LRRFIP1: variants seen among roughly 807,000 people sequenced by gnomAD.
LRRFIP1 encodes the protein leucine-rich repeat flightless-interacting protein 1.
In LRRFIP1, 62 loss-of-function variants were observed where a neutral mutation model predicts 104.4. That is an observed-to-expected ratio of 0.59 (90% CI 0.48 to 0.73). The LOEUF (loss-of-function observed/expected upper bound fraction) is 0.73, where lower values mean the gene tolerates loss of function less well. Ranked by LOEUF, LRRFIP1 falls within the 30% of genes least tolerant of loss-of-function variation. LRRFIP1 has a pLI of 0.00. For missense variants in LRRFIP1, 796 were observed against 824.5 expected (o/e 0.97, Z 0.42); for synonymous variants, 300 against 299.0 (o/e 1.00, Z -0.03).
rs563171208 is a variant in LRRFIP1 at position 237,775,183 on chromosome 2, G to T, written c.1812+721G>T. 3.3e-5 allele frequency among the ~76,000 whole-genome samples: 5 copies of T among 152,352 alleles called. No homozygotes were observed. In the South Asian group the frequency reaches 1.0e-3, roughly 32 times the overall value. ...GGGGCTGGGGTGCGGAATGGCCCAGGCCAGGGCAGTTCTAGGTAGGTGGCC... is the reference window on the plus strand; with the variant it reads ...GGGGCTGGGGTGCGGAATGGCCCAGTCCAGGGCAGTTCTAGGTAGGTGGCC... On this transcript the variant is annotated intron_variant, in intron 23 of 23. Transcript: ENST00000308482.
intron 20 of LRRFIP1, 51 bp downstream of exon 20, chr2:237,770,043 C>T: frequency 7.0e-7 from 1 of 1,422,726 alleles, no homozygotes; most frequent in South Asian, 1.2e-5. Flanking sequence ...CACCTGAAAC[C>T]ACCTGCCCAT....
intron 16 of LRRFIP1, 137 bp downstream of exon 16, chr2:237,756,324 A>T (rs959867856): frequency 3.0e-6 from 2 of 662,384 alleles, no homozygotes; most frequent in Non-Finnish European, 2.5e-6. Context: ...TAATTTTCTT[A>T]CAATTCTGGA....
intron 1 of LRRFIP1, among the ~76,000 whole-genome samples, chr2:237,689,614 T>G (rs980573951): frequency 1.3e-5 from 2 of 152,192 alleles, no homozygotes; most frequent in African/African-American, 2.4e-5. Context: ...ACAGCTGTTG[T>G]GGCAGGCAGT....
At chr2:237,655,241 G>T (rs546013715) in intron 1 of LRRFIP1, among the ~76,000 whole-genome samples, 1 of 147,246 alleles carries the variant, frequency 6.8e-6, no homozygotes, top group East Asian at 2.0e-4. Context: ...CTCCCGAGTA[G>T]CTGGGACTAC....
At chr2:237,769,812 C>G in intron 19 of LRRFIP1, 131 bp from the exon 20 acceptor site, 1 of 727,972 alleles carries the variant, frequency 1.4e-6, no homozygotes, top group Non-Finnish European at 2.4e-6. Flanking sequence ...TGGCCTCATT[C>G]ACCGTGGTAC....
At chr2:237,629,594 C>T (rs2082068634) in intron 1 of LRRFIP1, among the ~76,000 whole-genome samples, 1 of 151,664 alleles carries the variant, frequency 6.6e-6, no homozygotes, top group South Asian at 2.1e-4. Context: ...GCCTCAGCCT[C>T]ACCAGTAGCT....
intron 20 of LRRFIP1, among the ~76,000 whole-genome samples, chr2:237,771,332 C>A (rs565215910): frequency 6.6e-6 from 1 of 151,164 alleles, no homozygotes; most frequent in Non-Finnish European, 1.5e-5. Context: ...CCATAAATTC[C>A]GCAAAGTTCC....
intron 2 of LRRFIP1, 74 bp from the exon 3 acceptor site, chr2:237,714,185 G>T (rs1010762504): frequency 6.6e-6 from 7 of 1,056,984 alleles, no homozygotes; most frequent in Non-Finnish European, 4.3e-6. Flanking sequence ...GTTACTTACA[G>T]AACCTTTCAT....
intron 10 of LRRFIP1, among the ~76,000 whole-genome samples, chr2:237,737,358 G>C (rs1372900734): frequency 6.6e-6 from 1 of 152,178 alleles, no homozygotes; most frequent in Non-Finnish European, 1.5e-5. Flanking sequence ...CCACAGCCAC[G>C]TGGCCAACAA....
chr2:237,638,584 A>T (rs1023016013), intron 1 of LRRFIP1, among the ~76,000 whole-genome samples: 2 of 151,988 alleles, frequency 1.3e-5, no homozygotes, highest in Non-Finnish European at 2.9e-5. Flanking sequence ...TGTCTATAGG[A>T]CTCTGTGCTC....
chr2:237,744,693 C>T (rs1232532804), intron 11 of LRRFIP1, among the ~76,000 whole-genome samples: 1 of 152,280 alleles, frequency 6.6e-6, no homozygotes, highest in Non-Finnish European at 1.5e-5. Context: ...TCAGCTGTGG[C>T]TGTAAAATAC....
intron 8 of LRRFIP1, 36 bp from the exon 9 acceptor site, chr2:237,733,738 G>T: frequency 5.6e-6 from 9 of 1,611,012 alleles, no homozygotes; most frequent in Non-Finnish European, 7.6e-6. Flanking sequence ...GTTTTTTCAA[G>T]GCTTTTAAAA....
chr2:237,650,652 G>A (rs540842245), intron 1 of LRRFIP1, among the ~76,000 whole-genome samples: 7 of 152,364 alleles, frequency 4.6e-5, no homozygotes, highest in Non-Finnish European at 7.3e-5. Flanking sequence ...CAGGCTGGAC[G>A]TTGGCACAGT....
chr2:237,650,398 T>G (rs920441120), intron 1 of LRRFIP1, among the ~76,000 whole-genome samples: 6 of 151,864 alleles, frequency 4.0e-5, no homozygotes, highest in Non-Finnish European at 8.8e-5. Context: ...ACTTGGATTT[T>G]CCCCCTAGCA....
chr2:237,692,126 G>T, intron 1 of LRRFIP1: 1 of 807,640 alleles, frequency 1.2e-6, no homozygotes, highest in South Asian at 5.8e-5. Flanking sequence ...AGCCGGGAGG[G>T]CCCCTCCGAG....
intron 1 of LRRFIP1, among the ~76,000 whole-genome samples, chr2:237,675,001 G>GCTGCTTCCTGC (rs1306726231): frequency 3.3e-5 from 5 of 152,232 alleles, no homozygotes; most frequent in African/African-American, 1.2e-4. Context: ...CCCGGAGCAC[G>GCTGCTTCCTGC]CTGCTTCCTG....
chr2:237,668,987 G>A lies in LRRFIP1; in HGVS notation c.97-39557G>A, dbSNP rs112611479. Among the ~76,000 whole-genome samples, 11 of 151,976 alleles carry A rather than the reference G, an allele frequency of 7.2e-5. 1 individual carries two copies. The highest frequency in any genetic ancestry group is 2.7e-4 in the African/African-American group (11 of 41,418). On this transcript the variant is annotated intron_variant, in intron 1 of 23. Transcript: ENST00000308482. ...AGTCTCAATTATGTGTCTCTAAATA[G>A]CGCATTTTTAAAATCTCCTTTTTTT...
intron 1 of LRRFIP1, among the ~76,000 whole-genome samples, chr2:237,635,332 G>A (rs961856359): frequency 3.9e-5 from 6 of 152,132 alleles, no homozygotes; most frequent in Admixed American, 3.9e-4. Flanking sequence ...AGAAAATAAA[G>A]ATAGCATGCT....
intron 11 of LRRFIP1, among the ~76,000 whole-genome samples, chr2:237,742,307 G>A (rs534406902): frequency 6.6e-6 from 1 of 152,180 alleles, no homozygotes; most frequent in African/African-American, 2.4e-5. Context: ...TTGATTGCGG[G>A]CTGGTTGGCA....
Sources: allele counts gnomAD v4.1 joint callset (sites outside exome capture counted in the v4.1 genomes callset), GRCh38; gene constraint gnomAD v4.1.1; transcripts MANE v1.5; gene names NCBI Gene and HGNC (gene_info 2026-07-23, HGNC 2026-07-21).